The following CALN1 variants were observed in gnomAD, a reference collection of about 807,000 sequenced individuals.
CALN1 encodes calcium-binding protein 8.
CALN1 carries 17 observed loss-of-function variants against 30.6 expected under a neutral mutation model. The ratio of observed to expected loss-of-function variants is 0.56; its 90% CI spans 0.38 to 0.83. The LOEUF is 0.83. Ranked by LOEUF, CALN1 falls within the 40% of genes least tolerant of loss-of-function variation. The pLI is 0.00. For missense variants in CALN1, 291 were observed against 354.9 expected (o/e 0.82, Z 1.45); for synonymous variants, 156 against 131.4 (o/e 1.19, Z -1.28).
At chr7:72,409,126 G>A (rs1806921616) in intron 1 of CALN1, among the ~76,000 whole-genome samples, 1 of 151,944 alleles carries the variant, frequency 6.6e-6, no homozygotes, top group Non-Finnish European at 1.5e-5. Flanking sequence ...CTCCCCAGTA[G>A]CTGGGATTAC....
At chr7:72,117,526 G>A (rs1265650216) in intron 3 of CALN1, among the ~76,000 whole-genome samples, 1 of 152,028 alleles carries the variant, frequency 6.6e-6, no homozygotes, top group African/African-American at 2.4e-5. Flanking sequence ...ATAACAAGGT[G>A]TGTGTGTGTG....
At chr7:72,212,152 A>G (rs529496947) in intron 3 of CALN1, among the ~76,000 whole-genome samples, 12 of 152,200 alleles carry the variant, frequency 7.9e-5, no homozygotes, top group African/African-American at 2.4e-4. Context: ...GGAGATGGAG[A>G]CCATCCTGGC....
chr7:71,975,721 C>T (rs1259430162), intron 5 of CALN1, among the ~76,000 whole-genome samples: 4 of 151,894 alleles, frequency 2.6e-5, no homozygotes, highest in African/African-American at 7.2e-5. Context: ...TGAGCCACCA[C>T]ACCCGGCCTC....
intron 2 of CALN1, among the ~76,000 whole-genome samples, chr7:72,378,687 GTTTT>G (rs35655046): frequency 3.5e-4 from 52 of 148,120 alleles, no homozygotes; most frequent in Middle Eastern, 3.5e-3. Context: ...CATCTGCCAA[GTTTT>G]TTTTTTTTTG....
intron 4 of CALN1, among the ~76,000 whole-genome samples, chr7:72,067,298 G>A (rs767228541): frequency 1.8e-4 from 28 of 152,148 alleles, no homozygotes; most frequent in Non-Finnish European, 3.5e-4. Flanking sequence ...CTGGAGTGCA[G>A]TGGTGTGATC....
Position 72,077,611 on chromosome 7 carries a change from C to G in CALN1, c.388+28540G>C, listed in dbSNP as rs184412385. Among the ~76,000 whole-genome samples, 201 of 152,240 alleles carry G rather than the reference C, an allele frequency of 1.3e-3. 3 individuals carry two copies. Among genetic ancestry groups the G allele is most frequent in the Non-Finnish European group, 1.0e-3 (70 of 68,020 alleles). On this transcript the variant is annotated intron_variant, in intron 4 of 6. Transcript: ENST00000395275. ...TTTTATTCTCTTCCTTTTCCCAACCCCTGTCTCTCTTCAAAGGAGTCTTGT... is the reference window on the plus strand; with the variant it reads ...TTTTATTCTCTTCCTTTTCCCAACCGCTGTCTCTCTTCAAAGGAGTCTTGT...
chr7:71,874,810 C>T (rs906845391), intron 5 of CALN1, among the ~76,000 whole-genome samples: 1 of 151,802 alleles, frequency 6.6e-6, no homozygotes, highest in Non-Finnish European at 1.5e-5. Context: ...ACTCAGGAGC[C>T]GAGTCCAGCA....
chr7:72,221,917 G>A (rs1196413857), intron 3 of CALN1, among the ~76,000 whole-genome samples: 1 of 151,366 alleles, frequency 6.6e-6, no homozygotes, highest in Non-Finnish European at 1.5e-5. Context: ...ACCTGAGACT[G>A]GGTAACCTAT....
intron 2 of CALN1, among the ~76,000 whole-genome samples, chr7:72,300,379 G>C (rs1370402488): frequency 1.3e-5 from 2 of 149,544 alleles, no homozygotes; most frequent in Non-Finnish European, 3.0e-5. Context: ...TGTGTATCAA[G>C]AAAAGGCACT....
intron 5 of CALN1, among the ~76,000 whole-genome samples, chr7:71,993,780 A>G (rs1799089803): frequency 6.6e-6 from 1 of 151,812 alleles, no homozygotes; most frequent in African/African-American, 2.4e-5. Context: ...ATTAACAGGA[A>G]AAGCACACCA....
chr7:71,936,664 T>G (rs555354148), intron 5 of CALN1, among the ~76,000 whole-genome samples: 320 of 152,274 alleles, frequency 2.1e-3, no homozygotes, highest in Non-Finnish European at 3.6e-3. Context: ...CCCCAACCCC[T>G]GTTATCTACT....
intron 4 of CALN1, among the ~76,000 whole-genome samples, chr7:72,040,966 G>A (rs1802088291): frequency 2.0e-5 from 3 of 152,348 alleles, no homozygotes; most frequent in African/African-American, 7.2e-5. Context: ...CTGAGCCATA[G>A]AGAAGAACAA....
chr7:72,219,731 A>G (rs1038864233), intron 3 of CALN1, among the ~76,000 whole-genome samples: 3 of 151,110 alleles, frequency 2.0e-5, no homozygotes, highest in African/African-American at 7.3e-5. Flanking sequence ...CATACACACA[A>G]GCATGCACGC....
At chr7:72,254,180 C>T (rs373443547) in intron 3 of CALN1, among the ~76,000 whole-genome samples, 12 of 152,240 alleles carry the variant, frequency 7.9e-5, no homozygotes, top group East Asian at 5.8e-4. Context: ...CTCGGTGCTG[C>T]GCTGTCTCTC....
chr7:72,461,048 A>C, the CALN1 span, among the ~76,000 whole-genome samples: 1 of 151,936 alleles, frequency 6.6e-6, no homozygotes, highest in Non-Finnish European at 1.5e-5. Flanking sequence ...CCTTCTCTCC[A>C]TCCCATTCCC....
chr7:71,986,800 T>C (rs1322800684), intron 5 of CALN1, among the ~76,000 whole-genome samples: 1 of 152,228 alleles, frequency 6.6e-6, no homozygotes, highest in East Asian at 1.9e-4. Flanking sequence ...ATTTGCTCTG[T>C]ACTTTGTTGT....
At chr7:72,397,712 T>TCACACACACA (rs1248212217) in intron 2 of CALN1, among the ~76,000 whole-genome samples, 1,640 of 70,178 alleles carry the variant, frequency 0.023, 11 homozygotes, top group African/African-American at 0.029. Context: ...ACCCATTCTC[T>TCACACACACA]CTCACACACA....
At chr7:72,337,384 T>C (rs1342489547) in intron 2 of CALN1, among the ~76,000 whole-genome samples, 3 of 150,550 alleles carry the variant, frequency 2.0e-5, no homozygotes, top group Admixed American at 2.0e-4. Flanking sequence ...CAGCGCAACC[T>C]GAGGAACGCC....
intron 5 of CALN1, among the ~76,000 whole-genome samples, chr7:71,867,849 C>T (rs575526277): frequency 1.8e-4 from 28 of 152,302 alleles, no homozygotes; most frequent in African/African-American, 5.1e-4. Flanking sequence ...AACAGAGCCA[C>T]GCCAAAGGCA....
Sources: gnomAD v4.1 joint callset for allele counts (sites outside exome capture counted in the v4.1 genomes callset) on GRCh38, gnomAD v4.1.1 for gene constraint, MANE v1.5 for transcripts, NCBI Gene and HGNC (gene_info 2026-07-23, HGNC 2026-07-21) for gene names.